CATSPERE: variants seen among roughly 807,000 people sequenced by gnomAD.
CATSPERE encodes the protein catsper channel auxiliary subunit epsilon.
In CATSPERE, 93 loss-of-function variants were observed where a neutral mutation model predicts 114.1. The ratio of observed to expected loss-of-function variants is 0.81; its 90% CI spans 0.69 to 0.97. The LOEUF (loss-of-function observed/expected upper bound fraction) is 0.97, where lower values mean the gene tolerates loss of function less well. CATSPERE is among the 50% of genes least tolerant of loss of function. The pLI is 0.00. For missense variants in CATSPERE, 1,058 were observed against 1,131.6 expected (o/e 0.93, Z 0.93); for synonymous variants, 341 against 384.1 (o/e 0.89, Z 1.31).
chr1:244,630,339 A>G (rs920138710), intron 20 of CATSPERE, among the ~76,000 whole-genome samples: 1 of 152,214 alleles, frequency 6.6e-6, no homozygotes, highest in African/African-American at 2.4e-5. Flanking sequence ...GTACAGTGTA[A>G]TATATTTAAG....
intron 7 of CATSPERE, among the ~76,000 whole-genome samples, chr1:244,514,232 A>T (rs1676209775): frequency 6.6e-6 from 1 of 152,198 alleles, no homozygotes; most frequent in Non-Finnish European, 1.5e-5. Flanking sequence ...TTAACATTTC[A>T]GGAATTAACT....
intron 9 of CATSPERE, among the ~76,000 whole-genome samples, chr1:244,556,227 GA>G (rs1392280334): frequency 2.6e-5 from 4 of 151,660 alleles, no homozygotes; most frequent in Non-Finnish European, 2.9e-5. Context: ...AATTTAAGTG[GA>G]TGTATTGTAA....
intron 2 of CATSPERE, among the ~76,000 whole-genome samples, chr1:244,464,275 T>A (rs1667251535): frequency 6.6e-6 from 1 of 152,218 alleles, no homozygotes; most frequent in Non-Finnish European, 1.5e-5. Context: ...ATACAACAGG[T>A]ATAAATTAGA....
chr1:244,588,258 G>A (rs1667277567), intron 13 of CATSPERE, among the ~76,000 whole-genome samples: 1 of 148,140 alleles, frequency 6.8e-6, no homozygotes, highest in South Asian at 2.1e-4. Context: ...AGAAAGGAGA[G>A]ACCCAACTTT....
intron 21 of CATSPERE, 60 bp from the exon 22 acceptor site, chr1:244,639,868 T>C (rs1675142994): frequency 7.5e-6 from 11 of 1,463,796 alleles, no homozygotes; most frequent in Non-Finnish European, 9.1e-6. Flanking sequence ...TTTAAATAAA[T>C]TAACAGCCAA....
chr1:244,477,485 C>G, intron 2 of CATSPERE, 56 bp from the exon 3 acceptor site: 7 of 956,014 alleles, frequency 7.3e-6, no homozygotes, highest in Non-Finnish European at 1.2e-5. Context: ...CAACGGAACC[C>G]TGAGGTGAAA....
chr1:244,570,084 C>CGAA (rs1039965812), intron 10 of CATSPERE, among the ~76,000 whole-genome samples: 8 of 152,052 alleles, frequency 5.3e-5, no homozygotes, highest in African/African-American at 1.9e-4. Flanking sequence ...ATTTATCTTC[C>CGAA]CAACCAGGAA....
intron 20 of CATSPERE, among the ~76,000 whole-genome samples, chr1:244,629,204 T>C (rs1272166110): frequency 1.3e-5 from 2 of 152,262 alleles, no homozygotes; most frequent in East Asian, 3.9e-4. Flanking sequence ...CACAGACATA[T>C]CAAGCACCTT....
chr1:244,516,113 C>T (rs142292630), intron 7 of CATSPERE, among the ~76,000 whole-genome samples: 1 of 151,734 alleles, frequency 6.6e-6, no homozygotes, highest in Non-Finnish European at 1.5e-5. Context: ...ATCGCTTGAG[C>T]CTGAAAGGCA....
At position 244,490,392 on chromosome 1, in the gene CATSPERE, G is replaced by T; in HGVS notation, c.327-55G>T. On this transcript the variant is annotated intron_variant, in intron 5 of 21. Transcript: ENST00000366534. The stretch of plus-strand genomic sequence containing the variant: ...CATGTATCTTGAAAGTAGAATATTC[G>T]ACCTAATGTTTAACAGGCTGTTTAC... 2.5e-6 allele frequency: 3 copies of T among 1,188,902 alleles called. No homozygotes were observed. The South Asian group carries it at 3.9e-5, about 16-fold the overall frequency. The allele number at this position is 1,188,902 out of a possible 1,614,324, so 73.6% of individuals were successfully genotyped here. A position where few individuals can be genotyped will look rare whatever the true frequency, so the allele number is the denominator to read the frequency against.
rs181015288 is a variant in CATSPERE at position 244,502,112 on chromosome 1, G to A, written c.429+3033G>A. Reference sequence around the variant, plus strand: ...TTTTTTTTTCACATGAGCAGATTGAGGGGATTATTTTGAAACTACAGTTTT... The same window carrying A: ...TTTTTTTTTCACATGAGCAGATTGAAGGGATTATTTTGAAACTACAGTTTT... On this transcript the variant is annotated intron_variant, in intron 7 of 21. Transcript: ENST00000366534. Among the ~76,000 whole-genome samples the A allele has an allele frequency of 2.8e-4, 43 of 152,164 alleles. 1 individual carries two copies. Among genetic ancestry groups the A allele is most frequent in the African/African-American group, 9.9e-4 (41 of 41,498 alleles).
intron 17 of CATSPERE, among the ~76,000 whole-genome samples, chr1:244,600,668 T>C (rs1669080208): frequency 6.6e-6 from 1 of 152,006 alleles, no homozygotes; most frequent in African/African-American, 2.4e-5. Context: ...TACAGGATCC[T>C]CACTGGAAAA....
At chr1:244,560,526 T>C (rs1394751339) in intron 9 of CATSPERE, 142 bp from the exon 10 acceptor site, 1 of 446,978 alleles carries the variant, frequency 2.2e-6, no homozygotes, top group Non-Finnish European at 3.7e-6. Context: ...AACTTATTCA[T>C]ATAACACCAC....
intron 8 of CATSPERE, among the ~76,000 whole-genome samples, chr1:244,519,355 C>T (rs1388608873): frequency 6.6e-6 from 1 of 152,098 alleles, no homozygotes; most frequent in African/African-American, 2.4e-5. Flanking sequence ...AGAAGTAAAA[C>T]CTAGCCAAAT....
upstream of CATSPERE, among the ~76,000 whole-genome samples, chr1:244,458,484 G>A (rs1203257368): frequency 6.6e-6 from 1 of 152,156 alleles, no homozygotes; most frequent in Non-Finnish European, 1.5e-5. Context: ...AGGACTCTGA[G>A]TGCAGGTCTC....
chr1:244,489,941 A>G (rs1305615702), intron 5 of CATSPERE, among the ~76,000 whole-genome samples: 1 of 152,178 alleles, frequency 6.6e-6, no homozygotes, highest in Non-Finnish European at 1.5e-5. Flanking sequence ...GAAAAGAAAT[A>G]GATTAGCACT....
intron 20 of CATSPERE, among the ~76,000 whole-genome samples, chr1:244,619,011 C>A (rs2148711058): frequency 6.6e-6 from 1 of 152,198 alleles, no homozygotes; most frequent in Middle Eastern, 3.4e-3. Context: ...TTTCCTTTGA[C>A]CACAATAGGT....
chr1:244,562,170 A>T (rs1171813984), intron 10 of CATSPERE, among the ~76,000 whole-genome samples: 1 of 151,680 alleles, frequency 6.6e-6, no homozygotes, highest in Non-Finnish European at 1.5e-5. Context: ...AAAAAAAAAA[A>T]AAAAGCTCCT....
At chr1:244,481,624 C>T (rs1372776883) in intron 5 of CATSPERE, among the ~76,000 whole-genome samples, 1 of 152,114 alleles carries the variant, frequency 6.6e-6, no homozygotes, top group South Asian at 2.1e-4. Context: ...TGTCCCACCC[C>T]ATTTACCCCC....
Sources: gnomAD v4.1 joint callset for allele counts (sites outside exome capture counted in the v4.1 genomes callset) on GRCh38, gnomAD v4.1.1 for gene constraint, MANE v1.5 for transcripts, NCBI Gene and HGNC (gene_info 2026-07-23, HGNC 2026-07-21) for gene names.